Variants in PPFIA2 observed in about 807,000 individuals in gnomAD.
The protein encoded by PPFIA2 is PPFI scaffold protein A2, also known as liprin-alpha-2.
A neutral mutation model predicts 175.5 loss-of-function variants in PPFIA2; 46 were observed. That is an observed-to-expected ratio of 0.26 (90% CI 0.21 to 0.34). PPFIA2 has a LOEUF of 0.34. Ranked by LOEUF, PPFIA2 falls within the 10% of genes least tolerant of loss-of-function variation. The pLI is 1.00. For missense variants in PPFIA2, 1,179 were observed against 1,506.1 expected, an observed-to-expected ratio of 0.78 and a Z score of 3.60; for synonymous variants, 568 against 511.4, an observed-to-expected ratio of 1.11 and a Z score of -1.49.
At chr12:81,347,853 C>T in intron 17 of PPFIA2, 83 bp from the exon 18 acceptor site, 4 of 1,508,644 alleles carry the variant, frequency 2.7e-6, no homozygotes, top group Non-Finnish European at 2.6e-6. Context: ...TTGGAATTCA[C>T]ATAATAAATC....
At chr12:81,627,239 T>C (rs775354761) in intron 4 of PPFIA2, among the ~76,000 whole-genome samples, 1 of 152,054 alleles carries the variant, frequency 6.6e-6, no homozygotes, top group Non-Finnish European at 1.5e-5. Flanking sequence ...AGGGTAACTG[T>C]GGTTAACAAT....
intron 8 of PPFIA2, among the ~76,000 whole-genome samples, chr12:81,402,804 A>G (rs529286419): frequency 6.6e-5 from 10 of 152,190 alleles, no homozygotes; most frequent in Non-Finnish European, 1.2e-4. Flanking sequence ...CAGTGAGCCA[A>G]GTTCATGCCA....
chr12:81,274,812 G>GA (rs1265752733), intron 28 of PPFIA2, among the ~76,000 whole-genome samples: 1 of 152,160 alleles, frequency 6.6e-6, no homozygotes, highest in Non-Finnish European at 1.5e-5. Flanking sequence ...TCAGTCATAG[G>GA]AAACAAGCTA....
At chr12:81,708,134 G>T (rs904197468) in intron 3 of PPFIA2, among the ~76,000 whole-genome samples, 1 of 150,652 alleles carries the variant, frequency 6.6e-6, no homozygotes, top group African/African-American at 2.4e-5. Context: ...TAACTAACCT[G>T]CATATTGTGC....
intron 4 of PPFIA2, among the ~76,000 whole-genome samples, chr12:81,578,373 C>G (rs1463862443): frequency 2.0e-5 from 3 of 151,746 alleles, no homozygotes; most frequent in African/African-American, 7.3e-5. Flanking sequence ...TTATCATCAT[C>G]ATCACCATCA....
At chr12:81,538,450 A>G (rs2065724566) in intron 4 of PPFIA2, among the ~76,000 whole-genome samples, 2 of 151,872 alleles carry the variant, frequency 1.3e-5, no homozygotes, top group South Asian at 4.1e-4. Flanking sequence ...TACACAATAA[A>G]TATGTTTTAT....
intron 4 of PPFIA2, among the ~76,000 whole-genome samples, chr12:81,572,671 G>A (rs1350445118): frequency 2.0e-5 from 3 of 152,004 alleles, no homozygotes; most frequent in African/African-American, 7.2e-5. Context: ...TATGCCCAAT[G>A]AGCACTACAA....
intron 4 of PPFIA2, among the ~76,000 whole-genome samples, chr12:81,515,968 CA>C (rs1463240912): frequency 9.0e-6 from 1 of 110,652 alleles, no homozygotes; most frequent in Non-Finnish European, 1.9e-5. Context: ...CCCAGCATGC[CA>C]AATTTTTTTT....
intron 3 of PPFIA2, among the ~76,000 whole-genome samples, chr12:81,751,966 G>T (rs1240997924): frequency 1.3e-5 from 2 of 152,010 alleles, no homozygotes; most frequent in Non-Finnish European, 2.9e-5. Flanking sequence ...ACTTTCAGAT[G>T]TATTTTGGTA....
chr12:81,639,464 C>G (rs2064633529), intron 4 of PPFIA2, among the ~76,000 whole-genome samples: 1 of 152,170 alleles, frequency 6.6e-6, no homozygotes, highest in East Asian at 1.9e-4. Context: ...ACCCACATTT[C>G]TTCCCACCTC....
rs550703985 is a variant in PPFIA2 at position 81,405,845 on chromosome 12, C to A, written c.704G>T (p.Gly235Val). Reference sequence around the variant, plus strand: ...TTCAAGATGTTCTGACTCTGTGGATCCCTCGCTTGATGCCATTTTTCTTTG... The same window carrying A: ...TTCAAGATGTTCTGACTCTGTGGATACCTCGCTTGATGCCATTTTTCTTTG... The part of the protein sequence containing the change: ...HIQRKMASSE[G>V]STESEHLEGM... The change falls in exon 8 of 33, where the codon GGA becomes GTA. Residue 235 changes from glycine to valine, a missense_variant. Transcript: ENST00000549396. 5 of 1,582,050 alleles carry A rather than the reference C, an allele frequency of 3.2e-6. No homozygotes were observed. The highest frequency in any genetic ancestry group is 1.8e-5 in the Admixed American group (1 of 55,680).
intron 3 of PPFIA2, among the ~76,000 whole-genome samples, chr12:81,725,719 G>T (rs903774493): frequency 6.6e-6 from 1 of 150,780 alleles, no homozygotes; most frequent in Non-Finnish European, 1.5e-5. Context: ...ATAAAAGTAA[G>T]TTGAAAGAAA....
At chr12:81,609,226 G>A (rs150018464) in intron 4 of PPFIA2, among the ~76,000 whole-genome samples, 2,131 of 152,182 alleles carry the variant, frequency 0.014, 46 homozygotes, top group African/African-American at 0.049. Flanking sequence ...TATGTTCTGT[G>A]TGCAGATGAG....
chr12:81,581,751 CAAAA>C (rs56707880), intron 4 of PPFIA2, among the ~76,000 whole-genome samples: 40,662 of 150,974 alleles, frequency 0.27, 5,940 homozygotes, highest in African/African-American at 0.38. Context: ...AACAAACAAA[CAAAA>C]ACAACCCTGA....
chr12:81,661,505 T>C (rs1304432119), intron 4 of PPFIA2, among the ~76,000 whole-genome samples: 1 of 152,206 alleles, frequency 6.6e-6, no homozygotes, highest in Non-Finnish European at 1.5e-5. Context: ...CTAACTATCC[T>C]AGATATATAT....
At chr12:81,510,772 C>T (rs79017802) in intron 4 of PPFIA2, among the ~76,000 whole-genome samples, 13,883 of 151,742 alleles carry the variant, frequency 0.091, 831 homozygotes, top group Middle Eastern at 0.15. Context: ...GTATAGTCAT[C>T]ATAAAAGAAA....
chr12:81,399,779 C>T (rs973303647), intron 8 of PPFIA2, among the ~76,000 whole-genome samples: 1 of 152,028 alleles, frequency 6.6e-6, no homozygotes, highest in Non-Finnish European at 1.5e-5. Context: ...AAAGGAGAAA[C>T]ATTCAAGTCG....
chr12:81,697,988 A>G (rs2076081748), intron 3 of PPFIA2, among the ~76,000 whole-genome samples: 2 of 152,174 alleles, frequency 1.3e-5, no homozygotes, highest in South Asian at 4.1e-4. Context: ...ATACAGACAC[A>G]TTTGTTGAGC....
chr12:81,446,375 A>G (rs1039795701), intron 5 of PPFIA2, among the ~76,000 whole-genome samples: 7 of 152,188 alleles, frequency 4.6e-5, no homozygotes, highest in Non-Finnish European at 1.0e-4. Context: ...GTGGAGGGAA[A>G]GTCCCTGAAG....
Sources: allele counts gnomAD v4.1 joint callset (sites outside exome capture counted in the v4.1 genomes callset), GRCh38; gene constraint gnomAD v4.1.1; transcripts MANE v1.5; gene names NCBI Gene and HGNC (gene_info 2026-07-23, HGNC 2026-07-21).